MYO3A: variants seen among roughly 807,000 people sequenced by gnomAD.
The protein encoded by MYO3A is myosin IIIA, also known as myosin-IIIa.
Under a neutral mutation model 192.7 loss-of-function variants are expected in MYO3A, and 180 were observed. The ratio of observed to expected loss-of-function variants is 0.93; its 90% confidence interval spans 0.83 to 1.06. The LOEUF is 1.06. MYO3A is among the 50% of genes least tolerant of loss of function. MYO3A has a pLI of 0.00. For synonymous variants in MYO3A, 628 were observed against 645.3 expected (o/e 0.97, Z 0.41); for missense variants, 1,896 against 1,905.0 (o/e 1.00, Z 0.09).
intron 17 of MYO3A, among the ~76,000 whole-genome samples, chr10:26,114,489 A>AG (rs1838384490): frequency 6.6e-6 from 1 of 152,208 alleles, no homozygotes; most frequent in African/African-American, 2.4e-5. Context: ...TGGAAAAAAA[A>AG]CAACTTGGCT....
intron 10 of MYO3A, among the ~76,000 whole-genome samples, chr10:26,029,907 T>C (rs1842729857): frequency 6.6e-6 from 1 of 152,164 alleles, no homozygotes; most frequent in African/African-American, 2.4e-5. Flanking sequence ...CTGCATTCTA[T>C]TTGGAGGGTT....
intron 14 of MYO3A, among the ~76,000 whole-genome samples, chr10:26,084,941 T>C (rs1482852444): frequency 6.6e-6 from 1 of 152,216 alleles, no homozygotes; most frequent in Non-Finnish European, 1.5e-5. Flanking sequence ...TCAATTTCTT[T>C]ATTTGTTTTT....
Position 26,201,197 on chromosome 10 carries a change from A to T in MYO3A, c.4546-68A>T, listed in dbSNP as rs559474765. The T allele has an allele frequency of 9.3e-5, 70 of 749,000 alleles. No individual in the cohort carries two copies. In the African/African-American group the frequency reaches 1.2e-3, roughly 13 times the overall value. The allele number at this position is 749,000 out of a possible 1,614,324, so 46.4% of individuals were successfully genotyped here. ...GTAAATGTATTTACATATTAAGATT[A>T]TAGTTATATATCCATTATATTAAGA... On this transcript the variant is annotated intron_variant, in intron 32 of 34. Transcript: ENST00000642920.
At chr10:26,201,365 G>A (rs1051290277) in intron 33 of MYO3A, 60 bp downstream of exon 33, 3 of 1,303,102 alleles carry the variant, frequency 2.3e-6, no homozygotes, top group African/African-American at 3.0e-5. Context: ...AAAAATCCAT[G>A]TGTTCAAATT....
At chr10:26,182,451 C>T (rs934537994) in intron 31 of MYO3A, among the ~76,000 whole-genome samples, 5 of 152,066 alleles carry the variant, frequency 3.3e-5, no homozygotes, top group African/African-American at 9.7e-5. Flanking sequence ...AACCAAAAAC[C>T]CTTTTATCTA....
chr10:25,945,750 C>A (rs1295176803), intron 2 of MYO3A, among the ~76,000 whole-genome samples: 1 of 151,966 alleles, frequency 6.6e-6, no homozygotes, highest in African/African-American at 2.4e-5. Context: ...ATTTAAAAGA[C>A]CAATAGAGAA....
intron 14 of MYO3A, among the ~76,000 whole-genome samples, chr10:26,084,108 G>A (rs990874692): frequency 2.0e-5 from 3 of 152,112 alleles, no homozygotes; most frequent in African/African-American, 7.2e-5. Flanking sequence ...AATCTCATAG[G>A]AAAAATTGAA....
chr10:26,121,753 A>AACAC (rs1241975664), intron 18 of MYO3A, among the ~76,000 whole-genome samples: 1 of 151,968 alleles, frequency 6.6e-6, no homozygotes, highest in African/African-American at 2.4e-5. Context: ...TCTGTCTCAA[A>AACAC]ACACACACAC....
At chr10:26,200,486 G>A (rs1326328674) in intron 32 of MYO3A, among the ~76,000 whole-genome samples, 3 of 152,170 alleles carry the variant, frequency 2.0e-5, no homozygotes, top group Admixed American at 6.5e-5. Flanking sequence ...GTGGCAACAT[G>A]TAAATAGATG....
intron 2 of MYO3A, among the ~76,000 whole-genome samples, chr10:25,949,985 A>G (rs570344187): frequency 5.3e-5 from 8 of 152,284 alleles, no homozygotes; most frequent in Admixed American, 2.6e-4. Flanking sequence ...TTGATTGCCT[A>G]CCATGTACTA....
rs1842980144 is a variant in MYO3A, at chr10:26,035,420, CA to C, written c.953+8894del. On this transcript the variant is annotated intron_variant, in intron 10 of 34. Transcript: ENST00000642920. ...GAAGAAGAAGCAGTTGCTGATACTACAAAAAAGTTGTAAATAATTCTGAGAA... is the reference window on the plus strand; with the variant it reads ...GAAGAAGAAGCAGTTGCTGATACTACAAAAAGTTGTAAATAATTCTGAGAA... Among the ~76,000 whole-genome samples, 3 of 152,146 alleles carry C rather than the reference CA, an allele frequency of 2.0e-5. No homozygotes were observed. The South Asian group carries it at 6.2e-4, about 32-fold the overall frequency.
At chr10:26,076,503 AAT>A (rs1384735806) in intron 14 of MYO3A, among the ~76,000 whole-genome samples, 1 of 151,926 alleles carries the variant, frequency 6.6e-6, no homozygotes, top group African/African-American at 2.4e-5. Flanking sequence ...TCTTTGGTTT[AAT>A]TAGGTCCAAG....
In MYO3A at chr10:26,007,349, C is replaced by G. The variant is rs1474125029; in HGVS notation, c.509-9471C>G. On this transcript the variant is annotated intron_variant, in intron 6 of 34. Transcript: ENST00000642920. ...GACAGGGATGCCCTCTCTCACCACT[C>G]CTATTCAACATAGTGTTGGAAGTTC... 2.0e-5 allele frequency among the ~76,000 whole-genome samples: 3 copies of G among 150,222 alleles called. No homozygotes were observed. In the East Asian group the frequency reaches 5.8e-4, roughly 29 times the overall value.
At chr10:26,040,810 A>T (rs1224858982) in intron 10 of MYO3A, among the ~76,000 whole-genome samples, 2 of 152,162 alleles carry the variant, frequency 1.3e-5, no homozygotes, top group East Asian at 3.8e-4. Flanking sequence ...TTTGTGACCT[A>T]ACATATCATA....
At chr10:26,160,773 A>T (rs1427453953) in intron 26 of MYO3A, among the ~76,000 whole-genome samples, 1 of 152,162 alleles carries the variant, frequency 6.6e-6, no homozygotes, top group African/African-American at 2.4e-5. Flanking sequence ...AGCGGGACTT[A>T]GATTGGATTG....
At chr10:26,002,339 G>C (rs1483123799) in intron 6 of MYO3A, among the ~76,000 whole-genome samples, 1 of 152,056 alleles carries the variant, frequency 6.6e-6, no homozygotes, top group Non-Finnish European at 1.5e-5. Context: ...TCTCAGCAAG[G>C]CAAGTTACTT....
At position 25,987,470 on chromosome 10, in the gene MYO3A, A is replaced by G. The variant is rs186024250; in HGVS notation, c.304-9020A>G. On this transcript the variant is annotated intron_variant, in intron 4 of 34. Transcript: ENST00000642920. The stretch of plus-strand genomic sequence containing the variant: ...TCTTCAAAATCTATATATCTGACGA[A>G]GAACTAATATCCAGGATCTACAAAG... 2.9e-3 allele frequency among the ~76,000 whole-genome samples: 437 copies of G among 152,326 alleles called. 4 individuals carry two copies. The highest frequency in any genetic ancestry group is 5.9e-3 in the Admixed American group (90 of 15,300).
intron 4 of MYO3A, among the ~76,000 whole-genome samples, chr10:25,959,383 C>A (rs1837773425): frequency 6.6e-6 from 1 of 152,068 alleles, no homozygotes; most frequent in African/African-American, 2.4e-5. Flanking sequence ...TGAGATAAAG[C>A]AATAAAAACA....
chr10:26,051,816 T>C (rs1450108460), intron 10 of MYO3A, among the ~76,000 whole-genome samples: 1 of 152,038 alleles, frequency 6.6e-6, no homozygotes, highest in African/African-American at 2.4e-5. Context: ...TATCCATTTA[T>C]GTGTTGACTG....
Sources: allele counts gnomAD v4.1 joint callset (sites outside exome capture counted in the v4.1 genomes callset), GRCh38; gene constraint gnomAD v4.1.1; transcripts MANE v1.5; gene names NCBI Gene and HGNC (gene_info 2026-07-23, HGNC 2026-07-21).